Variants in DONSON observed in about 807,000 individuals in gnomAD.
DONSON encodes DNA replication fork stabilization factor DONSON, also known as protein downstream neighbor of Son.
A neutral mutation model predicts 62.1 loss-of-function variants in DONSON; 43 were observed. The observed-to-expected ratio is 0.69, with a 90% confidence interval of 0.54 to 0.89. The LOEUF is 0.89. Ranked by LOEUF, DONSON falls within the 40% of genes least tolerant of loss-of-function variation. DONSON has a pLI of 0.00. For missense variants in DONSON, 696 were observed against 697.5 expected (o/e 1.00, Z 0.03); for synonymous variants, 266 against 264.6 (o/e 1.01, Z -0.05).
chr21:33,578,542 T>C, intron 9 of DONSON, 98 bp from the exon 10 acceptor site: 2 of 1,282,804 alleles, frequency 1.6e-6, no homozygotes, highest in Non-Finnish European at 2.1e-6. Flanking sequence ...AAATGGCTGA[T>C]TAATGTGATT....
chr21:33,588,535 G>A lies in DONSON; in HGVS notation c.107C>T (p.Pro36Leu), dbSNP rs2145910183. ...GGCCGCCGGCTCCGTCAGCTCACGG[G>A]GCGGGGAGGCGGCAGCTCCACGGCT... ...ARSRGAAASP[P>L]RELTEPAARR... Residue 36 changes from proline to leucine, a missense_variant, in exon 1 of 10, where the codon CCC becomes CTC. Pro to Leu is a moderately conservative substitution (Grantham distance 98). Coordinates refer to ENST00000303071, the MANE Select transcript of DONSON (RefSeq NM_017613.4). The A allele has an allele frequency of 8.0e-7, 1 of 1,252,370 alleles. No homozygotes were observed. The highest frequency in any genetic ancestry group is 1.6e-5 in the African/African-American group (1 of 64,350). The allele number at this position is 1,252,370 out of a possible 1,614,324, so 77.6% of individuals were successfully genotyped here. A position where few individuals can be genotyped will look rare whatever the true frequency, so the allele number is the denominator to read the frequency against.
chr21:33,581,515 C>G lies in DONSON; in HGVS notation c.1152-15G>C, dbSNP rs1329547411. On this transcript the variant is annotated splice_polypyrimidine_tract_variant and intron_variant, in intron 7 of 9. Coordinates refer to ENST00000303071, the MANE Select transcript of DONSON (RefSeq NM_017613.4). ...TCTCTTTACGCCTGAAGATGACAAT[C>G]AAGGAAATTGCAAAAGCAAATCTCA... is the stretch of plus-strand genomic sequence containing the variant. 1 of 1,605,204 alleles carries G rather than the reference C, an allele frequency of 6.2e-7. No individual in the cohort carries two copies. Among genetic ancestry groups the G allele is most frequent in the Non-Finnish European group, 8.5e-7 (1 of 1,174,338 alleles).
rs2086448562 is a variant in DONSON at position 33,577,694 on chromosome 21, C to G, written c.*613G>C. On this transcript the variant is annotated 3_prime_UTR_variant, in exon 10 of 10. Coordinates refer to ENST00000303071, the MANE Select transcript of DONSON (RefSeq NM_017613.4). ...ACACACACACACACACACACACACA[C>G]ACACACACCCCTATAAGCACATTAA... The G allele has an allele frequency of 7.9e-6, 1 of 125,910 alleles. No individual in the cohort carries two copies. The highest frequency in any genetic ancestry group is 3.3e-5 in the African/African-American group (1 of 30,402). 7.8% of individuals were successfully genotyped at this position (125,910 alleles called of 1,614,324 possible). A position where few individuals can be genotyped will look rare whatever the true frequency, so the allele number is the denominator to read the frequency against.
At position 33,586,160 on chromosome 21, in the gene DONSON, C is replaced by A. The variant is rs1228271210; in HGVS notation, c.424G>T (p.Glu142Ter). The change falls in exon 3 of 10, where the codon GAG becomes TAG. Residue 142 changes from glutamate (E) to a stop codon, truncating the protein, a stop_gained. Transcript: ENST00000303071. LOFTEE classifies it high-confidence loss of function. The stretch of plus-strand genomic sequence containing the variant: ...CTTTTTGAGGACGGAATATCAGGCT[C>A]GGAGAATGATACATGTGAAGTCTTT... ...LPQTSHVSFS[E>*]PDIPSSKSTE... 1 of 1,613,776 alleles carries A rather than the reference C, an allele frequency of 6.2e-7. No homozygotes were observed. Among genetic ancestry groups the A allele is most frequent in the African/African-American group, 1.3e-5 (1 of 74,814 alleles).
At chr21:33,586,781 T>G (rs1005285770) in intron 2 of DONSON, among the ~76,000 whole-genome samples, 8 of 151,946 alleles carry the variant, frequency 5.3e-5, no homozygotes, top group African/African-American at 1.9e-4. Flanking sequence ...ACTACAGGCG[T>G]GCCCCACCAC....
At chr21:33,582,136 G>C (rs2086518748) in intron 6 of DONSON, 29 bp downstream of exon 6, 2 of 1,611,454 alleles carry the variant, frequency 1.2e-6, no homozygotes, top group South Asian at 2.2e-5. Flanking sequence ...TAAGTCAGTG[G>C]ATGATATAAA....
chr21:33,582,781 T>C (rs2086528079), intron 5 of DONSON, among the ~76,000 whole-genome samples: 1 of 152,138 alleles, frequency 6.6e-6, no homozygotes, highest in African/African-American at 2.4e-5. Flanking sequence ...TGAGCGACTG[T>C]CGAGTGAACA....
rs75150424 is a variant in DONSON, at chr21:33,582,545, G to T, written c.965-299C>A. On this transcript the variant is annotated intron_variant, in intron 5 of 9. Coordinates refer to ENST00000303071, the MANE Select transcript of DONSON (RefSeq NM_017613.4). Reference sequence around the variant, plus strand: ...AGTAGATTTCATGATCCACTAATGGGTTTACTCAGTTTGAAAATTTTGTTA... The same window carrying T: ...AGTAGATTTCATGATCCACTAATGGTTTTACTCAGTTTGAAAATTTTGTTA... Among the ~76,000 whole-genome samples, 986 of 152,236 alleles carry T rather than the reference G, an allele frequency of 6.5e-3. 20 individuals carry two copies. In the East Asian group the frequency reaches 0.08, roughly 12 times the overall value.
chr21:33,586,844 G>T (rs1238126235), intron 2 of DONSON, among the ~76,000 whole-genome samples: 2 of 151,326 alleles, frequency 1.3e-5, no homozygotes, highest in Non-Finnish European at 2.9e-5. Context: ...CGTCATATTG[G>T]CCAGGCTGTT....
At position 33,588,344 on chromosome 21, in the gene DONSON, C is replaced by A; in HGVS notation, c.298G>T (p.Glu100Ter). The A allele has an allele frequency of 7.7e-7, 1 of 1,293,572 alleles. No individual in the cohort carries two copies. The highest frequency in any genetic ancestry group is 9.8e-7 in the Non-Finnish European group (1 of 1,025,076). The allele number at this position is 1,293,572 out of a possible 1,614,324, so 80.1% of individuals were successfully genotyped here. Residue 100 changes from glutamate (E) to a stop codon, truncating the protein, a stop_gained, in exon 1 of 10, where the codon GAG (glutamate) becomes TAG (stop). Transcript: ENST00000303071. LOFTEE classifies it high-confidence loss of function. ...AAEPPDGPAR[E>*]QPEAPVPFLD... ...ACCGGGACCGGGGCCTCCGGCTGCTCGCGGGCCGGCCCGTCGGGGGGCTCC... is the reference window on the plus strand; with the variant it reads ...ACCGGGACCGGGGCCTCCGGCTGCTAGCGGGCCGGCCCGTCGGGGGGCTCC...
Position 33,588,379 on chromosome 21 carries a change from C to G in DONSON, c.263G>C (p.Arg88Pro), listed in dbSNP as rs2086606317. The G allele has an allele frequency of 7.7e-7, 1 of 1,291,724 alleles. No individual in the cohort carries two copies. The highest frequency in any genetic ancestry group is 9.8e-7 in the Non-Finnish European group (1 of 1,024,420). 80.0% of individuals were successfully genotyped at this position (1,291,724 alleles called of 1,614,324 possible). ...NPFARLDNRP[R>P]VAAEPPDGPA... ...CCCGTCGGGGGGCTCCGCGGCGACC[C>G]GCGGTCGGTTGTCCAGGCGGGCGAA... The change falls in exon 1 of 10, where the codon CGG becomes CCG. Residue 88 changes from arginine to proline, a missense_variant. Arg to Pro is a moderately radical substitution (Grantham distance 103). Coordinates refer to ENST00000303071, the MANE Select transcript of DONSON (RefSeq NM_017613.4).
rs957480991 is a variant in DONSON, at chr21:33,578,440, A to T, written c.1568T>A (p.Val523Asp). Residue 523 changes from valine (V) to aspartate (D), a missense_variant, in exon 10 of 10, where the codon GTT becomes GAT. Val to Asp is a radical substitution (Grantham distance 152, BLOSUM62 -3). Transcript: ENST00000303071. ...ACAGTTAGTAAGCTCCTTATGAACA[A>T]CCTCCTGTGGAAATGTGTGTACAAG... ...LQMDKVLDMEVVHKELTNCGL... is the reference protein window; with the variant it reads ...LQMDKVLDMEDVHKELTNCGL... 2 of 1,613,078 alleles carry T rather than the reference A, an allele frequency of 1.2e-6. No individual in the cohort carries two copies. Among genetic ancestry groups the T allele is most frequent in the Non-Finnish European group, 1.7e-6 (2 of 1,179,476 alleles).
chr21:33,584,765 G>T lies in DONSON; in HGVS notation c.610C>A (p.Pro204Thr), dbSNP rs1307189913. Residue 204 changes from proline to threonine, a missense_variant, in exon 4 of 10, where the codon CCC becomes ACC. By Grantham distance (38) the Pro-to-Thr change is conservative. Transcript: ENST00000303071. ...CAACGGAGCTCAGAGGAGAGTTTGGGATCCTAAAATCCAAAGGTGACAGTG... is the reference window on the plus strand; with the variant it reads ...CAACGGAGCTCAGAGGAGAGTTTGGTATCCTAAAATCCAAAGGTGACAGTG... The part of the protein sequence containing the change: ...EVTLPKSIQD[P>T]KLSSELRCTF... 1.9e-5 allele frequency: 29 copies of T among 1,523,492 alleles called. No homozygotes were observed. The highest frequency in any genetic ancestry group is 2.5e-5 in the Non-Finnish European group (28 of 1,129,176). The allele number at this position is 1,523,492 out of a possible 1,614,324, so 94.4% of individuals were successfully genotyped here.
Position 33,588,430 on chromosome 21 carries a change from C to A in DONSON, c.212G>T (p.Gly71Val). ...AGGRGGGSGG[G>V]PAAARRNPFA... is the part of the protein sequence containing the mutation. ...GGGGTTCCTCCGAGCAGCGGCCGGG[C>A]CGCCGCCGCTGCCACCGCCTCTGCC... The change falls in exon 1 of 10, where the codon GGC becomes GTC. Residue 71 changes from glycine to valine, a missense_variant. Coordinates refer to ENST00000303071, the MANE Select transcript of DONSON (RefSeq NM_017613.4). The A allele has an allele frequency of 1.5e-6, 2 of 1,308,954 alleles. No individual in the cohort carries two copies. The highest frequency in any genetic ancestry group is 1.9e-6 in the Non-Finnish European group (2 of 1,029,238). 81.1% of individuals were successfully genotyped at this position (1,308,954 alleles called of 1,614,324 possible). A position where few individuals can be genotyped will look rare whatever the true frequency, so the allele number is the denominator to read the frequency against.
Position 33,577,603 on chromosome 21 carries a change from C to T in DONSON, c.*704G>A, listed in dbSNP as rs868121359. Reference sequence around the variant, plus strand: ...AAAATGTGAATTATACAGTCCCCCCCTACACACACACACACACACACACAC... The same window carrying T: ...AAAATGTGAATTATACAGTCCCCCCTTACACACACACACACACACACACAC... On this transcript the variant is annotated 3_prime_UTR_variant, in exon 10 of 10. Transcript: ENST00000303071. 1.9e-5 allele frequency: 1 copy of T among 51,694 alleles called. No homozygotes were observed. The highest frequency in any genetic ancestry group is 3.7e-5 in the Non-Finnish European group (1 of 26,704). The allele number at this position is 51,694 out of a possible 1,614,324, so 3.2% of individuals were successfully genotyped here. A position where few individuals can be genotyped will look rare whatever the true frequency, so the allele number is the denominator to read the frequency against.
intron 3 of DONSON, among the ~76,000 whole-genome samples, chr21:33,585,358 C>G (rs2086565373): frequency 6.6e-6 from 1 of 150,500 alleles, no homozygotes; most frequent in Non-Finnish European, 1.5e-5. Flanking sequence ...GTAGCTGGGA[C>G]TACAGGCACC....
Position 33,584,014 on chromosome 21 carries a change from T to TTATATATATA in DONSON, c.786-358_786-349dup, listed in dbSNP as rs57309977. Among the ~76,000 whole-genome samples, 347 of 121,512 alleles carry TTATATATATA rather than the reference T, an allele frequency of 2.9e-3. 1 individual carries two copies. Among genetic ancestry groups the TTATATATATA allele is most frequent in the African/African-American group, 8.0e-3 (255 of 31,826 alleles). 79.7% of individuals were successfully genotyped at this position (121,512 alleles called of 152,430 possible). ...GCATTAAAGAATTAGGGCTGCGTGT[T>TTATATATATA]TATATATATATATATATATATATAT... On this transcript the variant is annotated intron_variant, in intron 4 of 9. Coordinates refer to ENST00000303071, the MANE Select transcript of DONSON (RefSeq NM_017613.4).
chr21:33,583,384 G>A lies in DONSON; in HGVS notation c.964+104C>T, dbSNP rs1423910261. On this transcript the variant is annotated intron_variant, in intron 5 of 9. Transcript: ENST00000303071. ...ATAAAGAAATAATATATTTCTTAAT[G>A]TTGCTAATCAACTGGTAAAAGGCAT... 3 of 868,730 alleles carry A rather than the reference G, an allele frequency of 3.5e-6. No homozygotes were observed. The African/African-American group carries it at 5.1e-5, about 15-fold the overall frequency. 53.8% of individuals were successfully genotyped at this position (868,730 alleles called of 1,614,324 possible). A position where few individuals can be genotyped will look rare whatever the true frequency, so the allele number is the denominator to read the frequency against.
intron 9 of DONSON, 65 bp downstream of exon 9, chr21:33,579,285 A>T: frequency 1.6e-6 from 2 of 1,282,460 alleles, no homozygotes; most frequent in Non-Finnish European, 2.1e-6. Context: ...TAAATGACTC[A>T]ATTTCCCTCC....
Sources: gnomAD v4.1 joint callset for allele counts (sites outside exome capture counted in the v4.1 genomes callset) on GRCh38, gnomAD v4.1.1 for gene constraint, MANE v1.5 for transcripts, NCBI Gene and HGNC (gene_info 2026-07-23, HGNC 2026-07-21) for gene names.